APBA1: variants seen among roughly 807,000 people sequenced by gnomAD.
APBA1 encodes amyloid beta precursor protein binding family A member 1, also known as amyloid-beta A4 precursor protein-binding family A member 1.
APBA1 carries 55 observed loss-of-function variants against 86.6 expected under a neutral mutation model. That is an observed-to-expected ratio of 0.64 (90% confidence interval 0.51 to 0.80). The LOEUF (loss-of-function observed/expected upper bound fraction) is 0.80. Among genes scored for constraint, APBA1 ranks in the 30% least tolerant of loss-of-function variants. The probability of loss-of-function intolerance (pLI) is 0.00; values close to 1 mark genes in which losing one functional copy is unlikely to be tolerated. For missense variants in APBA1, 1,090 were observed against 1,183.0 expected, an observed-to-expected ratio of 0.92 and a Z score of 1.15; for synonymous variants, 511 against 493.9, an observed-to-expected ratio of 1.03 and a Z score of -0.46.
At chr9:69,582,335 T>C (rs1423097188) in intron 1 of APBA1, among the ~76,000 whole-genome samples, 1 of 152,146 alleles carries the variant, frequency 6.6e-6, no homozygotes, top group African/African-American at 2.4e-5. Context: ...AACAAAGAAG[T>C]GAAATCTCAC....
intron 1 of APBA1, among the ~76,000 whole-genome samples, chr9:69,591,430 C>T (rs1564085995): frequency 6.6e-6 from 1 of 152,194 alleles, no homozygotes; most frequent in South Asian, 2.1e-4. Context: ...AGCCAAGAAC[C>T]ATGTCTGCCA....
intron 1 of APBA1, among the ~76,000 whole-genome samples, chr9:69,596,401 C>T (rs1219128174): frequency 6.6e-6 from 1 of 152,140 alleles, no homozygotes; most frequent in Non-Finnish European, 1.5e-5. Context: ...TCTGTGTATT[C>T]ATTATGATGA....
At chr9:69,499,223 T>TA (rs1463516962) in intron 2 of APBA1, among the ~76,000 whole-genome samples, 1 of 152,104 alleles carries the variant, frequency 6.6e-6, no homozygotes. Flanking sequence ...TTCTTCCTCT[T>TA]AACAGCACAA....
In APBA1 at chr9:69,458,208, C is replaced by G. The variant is rs1312047317; in HGVS notation, c.1483-20G>C. 3.1e-6 allele frequency: 5 copies of G among 1,603,286 alleles called. No homozygotes were observed. The highest frequency in any genetic ancestry group is 3.4e-6 in the Non-Finnish European group (4 of 1,176,598). On this transcript the variant is annotated intron_variant, in intron 5 of 12. Coordinates refer to ENST00000265381, the MANE Select transcript of APBA1 (RefSeq NM_001163.4). ...GGCCATCTGCTTAGCATGGAACAAA[C>G]AGAGACAGGAGAATAGTTAGAAAGA...
intron 1 of APBA1, among the ~76,000 whole-genome samples, chr9:69,535,882 G>A (rs1030149429): frequency 6.6e-6 from 1 of 152,078 alleles, no homozygotes; most frequent in Non-Finnish European, 1.5e-5. Context: ...ATTAATGAGA[G>A]CTCTTCTTTG....
chr9:69,566,505 G>A (rs766626492), intron 1 of APBA1, among the ~76,000 whole-genome samples: 6 of 152,168 alleles, frequency 3.9e-5, no homozygotes, highest in Non-Finnish European at 5.9e-5. Flanking sequence ...TGATGAAAAT[G>A]CTCTGATAGT....
chr9:69,522,307 C>A (rs7865302), intron 1 of APBA1, among the ~76,000 whole-genome samples: 24 of 147,974 alleles, frequency 1.6e-4, no homozygotes, highest in East Asian at 6.2e-4. Flanking sequence ...TCCCCCACCC[C>A]TCCCACCCAA....
Position 69,431,248 on chromosome 9 carries a change from G to A in APBA1, c.*79C>T. The A allele has an allele frequency of 8.6e-7, 1 of 1,168,256 alleles. No homozygotes were observed. The highest frequency in any genetic ancestry group is 1.2e-6 in the Non-Finnish European group (1 of 838,958). 72.4% of individuals were successfully genotyped at this position (1,168,256 alleles called of 1,614,324 possible). A position where few individuals can be genotyped will look rare whatever the true frequency, so the allele number is the denominator to read the frequency against. On this transcript the variant is annotated 3_prime_UTR_variant, in exon 13 of 13. Coordinates refer to ENST00000265381, the MANE Select transcript of APBA1 (RefSeq NM_001163.4). ...CTGGGCGCGAGAGGGGAAAGTCTCA[G>A]TGGACACAGGGATGCAGCACGAGAA...
rs138773268 is a variant in APBA1, at chr9:69,504,394, A to C, written c.1200+11617T>G. On this transcript the variant is annotated intron_variant, in intron 2 of 12. Transcript: ENST00000265381. Reference sequence around the variant, plus strand: ...CAATTTTGCTGTCTTGATTTCTCCAAGCGACTTTCCATTTGCTTTATGTCT... The same window carrying C: ...CAATTTTGCTGTCTTGATTTCTCCACGCGACTTTCCATTTGCTTTATGTCT... Among the ~76,000 whole-genome samples, 4 of 152,122 alleles carry C rather than the reference A, an allele frequency of 2.6e-5. No individual in the cohort carries two copies. The East Asian group carries it at 7.7e-4, about 29-fold the overall frequency.
At chr9:69,440,765 T>C (rs1448672528) in intron 11 of APBA1, among the ~76,000 whole-genome samples, 1 of 152,122 alleles carries the variant, frequency 6.6e-6, no homozygotes, top group Non-Finnish European at 1.5e-5. Context: ...CTTCAGCTCT[T>C]GCACAGTGCG....
chr9:69,465,859 G>A (rs1835269936), intron 5 of APBA1, among the ~76,000 whole-genome samples: 1 of 152,178 alleles, frequency 6.6e-6, no homozygotes, highest in East Asian at 1.9e-4. Context: ...TGGGCCTTAT[G>A]GCAGCAGGGC....
chr9:69,440,916 T>C, intron 11 of APBA1, 80 bp downstream of exon 11: 1 of 1,541,438 alleles, frequency 6.5e-7, no homozygotes. Flanking sequence ...TATTTAGCCA[T>C]CTTGGCTCCA....
intron 10 of APBA1, among the ~76,000 whole-genome samples, chr9:69,446,560 G>A (rs944982252): frequency 2.0e-4 from 30 of 152,188 alleles, no homozygotes; most frequent in African/African-American, 2.7e-4. Context: ...ACAGAGCTCC[G>A]TCTGTACTCC....
chr9:69,450,471 C>T (rs1378913557), intron 9 of APBA1, among the ~76,000 whole-genome samples: 1 of 152,148 alleles, frequency 6.6e-6, no homozygotes, highest in African/African-American at 2.4e-5. Flanking sequence ...TACCACACCT[C>T]TTGGAAGCAC....
At chr9:69,437,201 G>A (rs1021265309) in intron 11 of APBA1, among the ~76,000 whole-genome samples, 1 of 151,710 alleles carries the variant, frequency 6.6e-6, no homozygotes. Flanking sequence ...GAGGATTTTT[G>A]CATCAATGTT....
chr9:69,626,464 ATG>A (rs1335069446), intron 1 of APBA1, among the ~76,000 whole-genome samples: 5 of 152,170 alleles, frequency 3.3e-5, no homozygotes, highest in African/African-American at 1.2e-4. Flanking sequence ...CTCCATTTTA[ATG>A]TAATCACTCT....
intron 1 of APBA1, among the ~76,000 whole-genome samples, chr9:69,610,099 C>T (rs1402356937): frequency 6.6e-6 from 1 of 152,166 alleles, no homozygotes; most frequent in East Asian, 1.9e-4. Flanking sequence ...AAGAGGATCA[C>T]TTGAGGCCAG....
At chr9:69,523,971 G>T (rs1392251293) in intron 1 of APBA1, among the ~76,000 whole-genome samples, 6 of 152,094 alleles carry the variant, frequency 3.9e-5, no homozygotes, top group African/African-American at 9.7e-5. Context: ...TAAGCAACTT[G>T]CTCCTAAATG....
At chr9:69,495,347 G>A (rs919647407) in intron 2 of APBA1, among the ~76,000 whole-genome samples, 13 of 152,152 alleles carry the variant, frequency 8.5e-5, no homozygotes, top group African/African-American at 1.4e-4. Flanking sequence ...CCTCTCCTTC[G>A]TGACACTCAA....
Sources: allele counts gnomAD v4.1 joint callset (sites outside exome capture counted in the v4.1 genomes callset), GRCh38; gene constraint gnomAD v4.1.1; transcripts MANE v1.5; gene names NCBI Gene and HGNC (gene_info 2026-07-23, HGNC 2026-07-21).